Variants in PRKCA observed in about 807,000 individuals in gnomAD.
The protein encoded by PRKCA is protein kinase C alpha.
Under a neutral mutation model 87.0 loss-of-function variants are expected in PRKCA, and 27 were observed. The ratio of observed to expected loss-of-function variants is 0.31; its 90% CI spans 0.23 to 0.43. PRKCA has a LOEUF of 0.43. PRKCA is among the 20% of genes least tolerant of loss of function. The pLI is 1.00. For missense variants in PRKCA, 518 were observed against 852.3 expected, an observed-to-expected ratio of 0.61 and a Z score of 4.88; for synonymous variants, 329 against 311.1, an observed-to-expected ratio of 1.06 and a Z score of -0.61.
chr17:66,678,724 C>T (rs993368946), intron 5 of PRKCA, among the ~76,000 whole-genome samples: 4 of 151,570 alleles, frequency 2.6e-5, no homozygotes, highest in Admixed American at 2.0e-4. Context: ...ATGCACACCA[C>T]TGTCATTGGG....
intron 3 of PRKCA, among the ~76,000 whole-genome samples, chr17:66,607,271 C>G (rs1012238001): frequency 2.6e-5 from 4 of 152,128 alleles, no homozygotes; most frequent in African/African-American, 7.2e-5. Flanking sequence ...CCAAACCACT[C>G]TAGAGTTGAA....
intron 3 of PRKCA, among the ~76,000 whole-genome samples, chr17:66,549,705 AG>A (rs1968267856): frequency 1.3e-5 from 2 of 151,480 alleles, no homozygotes; most frequent in Non-Finnish European, 2.9e-5. Context: ...CTTGCTGATG[AG>A]AGAGAGGAGT....
chr17:66,414,726 A>G (rs532303336), intron 2 of PRKCA, among the ~76,000 whole-genome samples: 3 of 152,274 alleles, frequency 2.0e-5, no homozygotes, highest in African/African-American at 7.2e-5. Flanking sequence ...ATTCAAGCAG[A>G]TGTTATAGTC....
chr17:66,747,366 C>T (rs903808982), intron 13 of PRKCA, among the ~76,000 whole-genome samples: 1 of 152,348 alleles, frequency 6.6e-6, no homozygotes. Flanking sequence ...CCACTGTGCC[C>T]GGCCCTGAAG....
intron 2 of PRKCA, among the ~76,000 whole-genome samples, chr17:66,426,717 A>G (rs1458687574): frequency 1.3e-5 from 2 of 152,190 alleles, no homozygotes; most frequent in African/African-American, 2.4e-5. Context: ...AAGGGTGGGC[A>G]TGTGATTCCT....
At chr17:66,764,599 G>A (rs1448986522) in intron 13 of PRKCA, among the ~76,000 whole-genome samples, 1 of 152,190 alleles carries the variant, frequency 6.6e-6, no homozygotes, top group African/African-American at 2.4e-5. Flanking sequence ...TAATAATAAT[G>A]ATCTAAATGA....
At chr17:66,732,550 C>G (rs1973928488) in intron 8 of PRKCA, 138 bp from the exon 9 acceptor site, 2 of 1,040,856 alleles carry the variant, frequency 1.9e-6, no homozygotes, top group East Asian at 2.4e-5. Context: ...AACAGGTACT[C>G]AATTCTCACC....
At chr17:66,498,573 C>A (rs1916585399) in intron 3 of PRKCA, among the ~76,000 whole-genome samples, 1 of 152,192 alleles carries the variant, frequency 6.6e-6, no homozygotes, top group Non-Finnish European at 1.5e-5. Context: ...GGGTATAACA[C>A]TAAGTACAGA....
intron 8 of PRKCA, among the ~76,000 whole-genome samples, chr17:66,694,303 A>G (rs559939773): frequency 1.8e-4 from 27 of 152,116 alleles, no homozygotes; most frequent in African/African-American, 6.5e-4. Flanking sequence ...CAAGATGGTG[A>G]AACCCTGTCT....
intron 2 of PRKCA, among the ~76,000 whole-genome samples, chr17:66,351,321 C>T (rs1437890580): frequency 6.6e-6 from 1 of 152,266 alleles, no homozygotes; most frequent in Non-Finnish European, 1.5e-5. Context: ...ATTACCTAAA[C>T]TCCAGCCCAG....
intron 2 of PRKCA, among the ~76,000 whole-genome samples, chr17:66,402,044 G>T (rs900016045): frequency 1.3e-5 from 2 of 152,214 alleles, no homozygotes; most frequent in African/African-American, 4.8e-5. Context: ...AAAAGGAGCA[G>T]CCCACCAAGG....
At chr17:66,413,081 A>G (rs1416653304) in intron 2 of PRKCA, among the ~76,000 whole-genome samples, 2 of 152,130 alleles carry the variant, frequency 1.3e-5, no homozygotes, top group Non-Finnish European at 2.9e-5. Flanking sequence ...AGATCCCACA[A>G]GTTAAGGGCT....
intron 2 of PRKCA, among the ~76,000 whole-genome samples, chr17:66,450,812 A>G (rs184129252): frequency 6.6e-6 from 1 of 152,258 alleles, no homozygotes; most frequent in Non-Finnish European, 1.5e-5. Flanking sequence ...ATTTGTCTTC[A>G]TAAGCTGTGC....
At chr17:66,438,748 C>T (rs757879378) in intron 2 of PRKCA, among the ~76,000 whole-genome samples, 10 of 152,186 alleles carry the variant, frequency 6.6e-5, no homozygotes, top group Admixed American at 3.9e-4. Context: ...TTCTTTACAG[C>T]GCAGCAGGAA....
At chr17:66,466,613 A>G (rs1915097996) in intron 2 of PRKCA, among the ~76,000 whole-genome samples, 1 of 152,194 alleles carries the variant, frequency 6.6e-6, no homozygotes, top group African/African-American at 2.4e-5. Context: ...ATAATCAAAG[A>G]TGGAGTCTGT....
At chr17:66,676,659 A>C (rs531317575) in intron 5 of PRKCA, 2 of 152,382 alleles carry the variant, frequency 1.3e-5, no homozygotes, top group Admixed American at 6.5e-5. Flanking sequence ...GGGTTGGCCA[A>C]TTGCAACAGG....
At chr17:66,732,918 G>C in intron 9 of PRKCA, 93 bp downstream of exon 9, 1 of 1,448,170 alleles carries the variant, frequency 6.9e-7, no homozygotes, top group East Asian at 2.3e-5. Context: ...TAGCACATTA[G>C]ATTTCCCTGT....
At chr17:66,563,440 T>C (rs1181145023) in intron 3 of PRKCA, among the ~76,000 whole-genome samples, 2 of 152,234 alleles carry the variant, frequency 1.3e-5, no homozygotes, top group East Asian at 1.9e-4. Context: ...CCTGTTCAGA[T>C]TGGCTTCTTT....
chr17:66,748,537 C>T (rs2144255983), intron 13 of PRKCA, among the ~76,000 whole-genome samples: 1 of 152,222 alleles, frequency 6.6e-6, no homozygotes, highest in Non-Finnish European at 1.5e-5. Context: ...TTCATGAAGT[C>T]AGGGTGGCCA....
Sources: gnomAD v4.1 joint callset for allele counts (sites outside exome capture counted in the v4.1 genomes callset) on GRCh38, gnomAD v4.1.1 for gene constraint, MANE v1.5 for transcripts, NCBI Gene and HGNC (gene_info 2026-07-23, HGNC 2026-07-21) for gene names.